Variants in SKAP1 observed in about 807,000 individuals in gnomAD.
SKAP1 encodes the protein src kinase associated phosphoprotein 1.
SKAP1 carries 44 observed loss-of-function variants against 58.5 expected under a neutral mutation model. The ratio of observed to expected loss-of-function variants is 0.75; its 90% CI spans 0.59 to 0.97. SKAP1 has a LOEUF of 0.97. Among genes scored for constraint, SKAP1 ranks in the 50% least tolerant of loss-of-function variants. The probability of loss-of-function intolerance (pLI) is 0.00; values close to 1 mark genes in which losing one functional copy is unlikely to be tolerated. For missense variants in SKAP1, 390 were observed against 435.2 expected (o/e 0.90, Z 0.92); for synonymous variants, 127 against 149.7 (o/e 0.85, Z 1.11).
chr17:48,181,526 G>T lies in SKAP1; in HGVS notation c.631+868C>A, dbSNP rs373841524. Among the ~76,000 whole-genome samples the T allele has an allele frequency of 5.4e-4, 82 of 152,288 alleles. 2 individuals are homozygous for T. The South Asian group carries it at 0.016, about 30-fold the overall frequency. On this transcript the variant is annotated intron_variant, in intron 8 of 12. Coordinates refer to ENST00000336915, the MANE Select transcript of SKAP1 (RefSeq NM_003726.4). Reference sequence around the variant, plus strand: ...GCAAAGGCATAACTGAGTAAAACAGGCAATTCTTGTAATTAAAGCACTGGT... The same window carrying T: ...GCAAAGGCATAACTGAGTAAAACAGTCAATTCTTGTAATTAAAGCACTGGT...
intron 4 of SKAP1, among the ~76,000 whole-genome samples, chr17:48,318,379 G>A (rs1598560987): frequency 6.6e-6 from 1 of 152,284 alleles, no homozygotes; most frequent in East Asian, 1.9e-4. Flanking sequence ...TTCACGCTGG[G>A]TGGCCCACTT....
chr17:48,187,798 T>C, intron 6 of SKAP1, 45 bp downstream of exon 6: 1 of 1,357,104 alleles, frequency 7.4e-7, no homozygotes, highest in Non-Finnish European at 1.1e-6. Context: ...ACGAAGTGTT[T>C]GCATCCAGGA....
chr17:48,266,054 G>C (rs2065545168), intron 4 of SKAP1, among the ~76,000 whole-genome samples: 1 of 151,766 alleles, frequency 6.6e-6, no homozygotes, highest in Non-Finnish European at 1.5e-5. Flanking sequence ...CACTTGGTTT[G>C]GCTGACATCA....
At chr17:48,244,874 A>C (rs2065278933) in intron 4 of SKAP1, among the ~76,000 whole-genome samples, 1 of 152,164 alleles carries the variant, frequency 6.6e-6, no homozygotes, top group South Asian at 2.1e-4. Flanking sequence ...TTCTTCTAGA[A>C]CCTCCAAATG....
intron 4 of SKAP1, among the ~76,000 whole-genome samples, chr17:48,284,018 A>G (rs1037720465): frequency 2.6e-5 from 4 of 152,222 alleles, no homozygotes; most frequent in African/African-American, 9.6e-5. Flanking sequence ...GCCTAAACTC[A>G]GCTCACAGGT....
chr17:48,288,520 T>C (rs2065860996), intron 4 of SKAP1, among the ~76,000 whole-genome samples: 1 of 152,092 alleles, frequency 6.6e-6, no homozygotes, highest in African/African-American at 2.4e-5. Context: ...ACCCCGTCTC[T>C]ACTAAAAACA....
intron 11 of SKAP1, among the ~76,000 whole-genome samples, chr17:48,156,176 T>C (rs1004681814): frequency 7.9e-5 from 12 of 152,252 alleles, no homozygotes; most frequent in African/African-American, 2.7e-4. Flanking sequence ...TCCTATTTCA[T>C]GTTCAGGCAG....
chr17:48,320,991 A>T (rs1212161793), intron 4 of SKAP1, among the ~76,000 whole-genome samples: 1 of 152,168 alleles, frequency 6.6e-6, no homozygotes, highest in Non-Finnish European at 1.5e-5. Context: ...AGGCATCCAG[A>T]TAATGAGCAC....
At chr17:48,205,036 T>TC (rs1491089400) in intron 4 of SKAP1, among the ~76,000 whole-genome samples, 1,292 of 43,746 alleles carry the variant, frequency 0.03, 39 homozygotes, top group African/African-American at 0.07. Flanking sequence ...TCTTTCTTTC[T>TC]TTCTCTCTCT....
At chr17:48,442,829 T>C in the SKAP1 span, among the ~76,000 whole-genome samples, 1 of 152,290 alleles carries the variant, frequency 6.6e-6, no homozygotes, top group Non-Finnish European at 1.5e-5. Flanking sequence ...CTAAAACCAG[T>C]GATGTCATTT....
At chr17:48,398,044 G>A (rs1049740342) in intron 1 of SKAP1, among the ~76,000 whole-genome samples, 30 of 152,176 alleles carry the variant, frequency 2.0e-4, no homozygotes, top group Non-Finnish European at 2.9e-5. Flanking sequence ...ATATGAAACT[G>A]TATCATATAT....
chr17:48,304,813 T>C (rs889484252), intron 4 of SKAP1, among the ~76,000 whole-genome samples: 6 of 152,206 alleles, frequency 3.9e-5, no homozygotes, highest in East Asian at 1.9e-4. Context: ...TAGGAAGTCA[T>C]TGAATTAAAA....
intron 9 of SKAP1, 56 bp from the exon 10 acceptor site, chr17:48,170,715 T>TA: frequency 3.6e-6 from 5 of 1,402,954 alleles, no homozygotes; most frequent in Non-Finnish European, 4.9e-6. Flanking sequence ...TCATGTTCTT[T>TA]TTTTTTTTTT....
intron 4 of SKAP1, among the ~76,000 whole-genome samples, chr17:48,325,886 C>A (rs937734716): frequency 6.6e-6 from 1 of 152,134 alleles, no homozygotes; most frequent in Admixed American, 6.6e-5. Context: ...ATTTCAGAAT[C>A]CATGACAAAA....
rs527540480 is a variant in SKAP1, at chr17:48,357,383, C to G, written c.178+6406G>C. On this transcript the variant is annotated intron_variant, in intron 3 of 12. Coordinates refer to ENST00000336915, the MANE Select transcript of SKAP1 (RefSeq NM_003726.4). ...CAGTGGCTCACGCCTATAATCCCAG[C>G]ACTTTGGGAGGCTGAGGCGGATGGA... Among the ~76,000 whole-genome samples, 12 of 152,240 alleles carry G rather than the reference C, an allele frequency of 7.9e-5. No homozygotes were observed. In the East Asian group the frequency reaches 2.3e-3, roughly 29 times the overall value.
At chr17:48,350,408 G>A (rs2066783708) in intron 3 of SKAP1, among the ~76,000 whole-genome samples, 1 of 152,074 alleles carries the variant, frequency 6.6e-6, no homozygotes, top group African/African-American at 2.4e-5. Context: ...AAAAACTAAG[G>A]TTTGCAGCCG....
intron 1 of SKAP1, among the ~76,000 whole-genome samples, chr17:48,406,132 GCA>G (rs1385867404): frequency 6.6e-6 from 1 of 151,668 alleles, no homozygotes; most frequent in Non-Finnish European, 1.5e-5. Context: ...GGGCGTGGTG[GCA>G]CACATCTGTA....
intron 4 of SKAP1, chr17:48,307,487 G>C (rs1223503417): frequency 6.6e-6 from 1 of 152,214 alleles, no homozygotes; most frequent in African/African-American, 2.4e-5. Flanking sequence ...AGTTCAAGCA[G>C]CTATGGAAAA....
At chr17:48,414,224 G>A (rs943331279) in intron 1 of SKAP1, among the ~76,000 whole-genome samples, 3 of 152,250 alleles carry the variant, frequency 2.0e-5, no homozygotes, top group Non-Finnish European at 4.4e-5. Flanking sequence ...ACCTAGTCTC[G>A]AGGGGAAGGT....
Sources: gnomAD v4.1 joint callset for allele counts (sites outside exome capture counted in the v4.1 genomes callset) on GRCh38, gnomAD v4.1.1 for gene constraint, MANE v1.5 for transcripts, NCBI Gene and HGNC (gene_info 2026-07-23, HGNC 2026-07-21) for gene names.